TAOK3: variants seen among roughly 807,000 people sequenced by gnomAD.
TAOK3 encodes the protein serine/threonine-protein kinase TAO3.
TAOK3 carries 40 observed loss-of-function variants against 120.4 expected under a neutral mutation model. The ratio of observed to expected loss-of-function variants is 0.33; its 90% CI spans 0.26 to 0.43. The LOEUF (loss-of-function observed/expected upper bound fraction) is 0.43, where lower values mean the gene tolerates loss of function less well. Among genes scored for constraint, TAOK3 ranks in the 20% least tolerant of loss-of-function variants. The probability of loss-of-function intolerance (pLI) is 1.00; values close to 1 mark genes in which losing one functional copy is unlikely to be tolerated. For missense variants in TAOK3, 821 were observed against 1,112.1 expected, an observed-to-expected ratio of 0.74 and a Z score of 3.72; for synonymous variants, 355 against 387.5, an observed-to-expected ratio of 0.92 and a Z score of 0.99.
intron 9 of TAOK3, among the ~76,000 whole-genome samples, chr12:118,232,757 T>A (rs1214533372): frequency 6.6e-6 from 1 of 152,042 alleles, no homozygotes; most frequent in Non-Finnish European, 1.5e-5. Context: ...ATACAAAAAT[T>A]AGCCAGCCTT....
chr12:118,178,439 T>C (rs909035183), intron 15 of TAOK3, among the ~76,000 whole-genome samples: 6 of 152,154 alleles, frequency 3.9e-5, no homozygotes, highest in African/African-American at 1.2e-4. Flanking sequence ...TCAAGTGTAA[T>C]TGGAACGCTA....
chr12:118,300,752 C>T (rs557009538), intron 1 of TAOK3, among the ~76,000 whole-genome samples: 95 of 151,834 alleles, frequency 6.3e-4, no homozygotes, highest in African/African-American at 2.2e-3. Flanking sequence ...TAGGACCTTC[C>T]TTTTTGATTT....
chr12:118,242,601 T>C (rs2040299957), intron 5 of TAOK3, among the ~76,000 whole-genome samples: 1 of 152,302 alleles, frequency 6.6e-6, no homozygotes, highest in South Asian at 2.1e-4. Flanking sequence ...GGCTCATGCC[T>C]GTAATCCCAG....
chr12:118,261,445 T>A (rs1387240261), intron 2 of TAOK3: 1 of 152,196 alleles, frequency 6.6e-6, no homozygotes, highest in African/African-American at 2.4e-5. Flanking sequence ...AAAAAAAGCA[T>A]GTTAAATACA....
chr12:118,361,043 T>A (rs2045581419), intron 1 of TAOK3, among the ~76,000 whole-genome samples: 1 of 152,256 alleles, frequency 6.6e-6, no homozygotes. Context: ...ATTACTTGTA[T>A]ATGCAGAAAA....
intron 11 of TAOK3, among the ~76,000 whole-genome samples, chr12:118,203,572 C>A (rs979571660): frequency 3.3e-5 from 5 of 151,764 alleles, no homozygotes; most frequent in African/African-American, 1.2e-4. Context: ...GGCATGGTGA[C>A]GTGCATCTGT....
At chr12:118,255,058 G>A (rs1433110823) in intron 3 of TAOK3, among the ~76,000 whole-genome samples, 2 of 152,114 alleles carry the variant, frequency 1.3e-5, no homozygotes, top group African/African-American at 4.8e-5. Context: ...CACTGTGCCC[G>A]GCTGAAGCTC....
chr12:118,203,443 C>T (rs905714894), intron 11 of TAOK3, among the ~76,000 whole-genome samples: 86 of 152,244 alleles, frequency 5.6e-4, no homozygotes, highest in Admixed American at 5.6e-3. Context: ...CGGTGGCTCA[C>T]GCCTATAATC....
intron 1 of TAOK3, among the ~76,000 whole-genome samples, chr12:118,297,582 T>C (rs2042730031): frequency 6.6e-6 from 1 of 152,234 alleles, no homozygotes; most frequent in Non-Finnish European, 1.5e-5. Context: ...CACCTGAAAT[T>C]ATCTGAAATT....
rs148839904 is a variant in TAOK3 at position 118,204,220 on chromosome 12, T to C, written c.820-2757A>G. ...AGGCAGAGGTTGCAGTGAGCCGAGA[T>C]TGCACCACAGCACTCTAGCCTGGGT... On this transcript the variant is annotated intron_variant, in intron 11 of 20. Coordinates refer to ENST00000392533, the MANE Select transcript of TAOK3 (RefSeq NM_016281.4). Among the ~76,000 whole-genome samples the C allele has an allele frequency of 9.7e-3, 1,460 of 150,618 alleles. 14 individuals are homozygous for C. Among genetic ancestry groups the C allele is most frequent in the African/African-American group, 0.029 (1,205 of 40,916 alleles).
At chr12:118,333,492 G>A (rs1457234364) in intron 1 of TAOK3, among the ~76,000 whole-genome samples, 1 of 152,174 alleles carries the variant, frequency 6.6e-6, no homozygotes, top group Non-Finnish European at 1.5e-5. Flanking sequence ...GCAATGCCAA[G>A]AGGGAAATGC....
intron 1 of TAOK3, among the ~76,000 whole-genome samples, chr12:118,279,465 G>A (rs1279017175): frequency 1.3e-5 from 2 of 150,738 alleles, no homozygotes; most frequent in Admixed American, 6.6e-5. Flanking sequence ...TGCTTTTGGT[G>A]TCTTCATCAT....
Position 118,161,727 on chromosome 12 carries a change from G to A in TAOK3, c.2139+61C>T, listed in dbSNP as rs553124339. Reference sequence around the variant, plus strand: ...TCTGAAAAGTTGCTCAGGTGACTCTGACACTTCAGGTAGAGAAACCACTGA... The same window carrying A: ...TCTGAAAAGTTGCTCAGGTGACTCTAACACTTCAGGTAGAGAAACCACTGA... On this transcript the variant is annotated intron_variant, in intron 18 of 20. Transcript: ENST00000392533. This position sits in a 1 kb window ranked among gnomAD's most constrained non-coding sequence, Gnocchi z 4.5. 6.3e-7 allele frequency: 1 copy of A among 1,590,294 alleles called. No homozygotes were observed. The highest frequency in any genetic ancestry group is 1.7e-5 in the Admixed American group (1 of 58,706).
chr12:118,286,323 C>A (rs938778857), intron 1 of TAOK3, among the ~76,000 whole-genome samples: 1 of 152,098 alleles, frequency 6.6e-6, no homozygotes, highest in African/African-American at 2.4e-5. Flanking sequence ...ACAATCTATA[C>A]ATCTGACAAA....
At chr12:118,188,628 C>T (rs1179390363) in intron 14 of TAOK3, among the ~76,000 whole-genome samples, 2 of 152,078 alleles carry the variant, frequency 1.3e-5, no homozygotes, top group African/African-American at 2.4e-5. Flanking sequence ...AGGTTATAAT[C>T]CATTATAATT....
intron 1 of TAOK3, among the ~76,000 whole-genome samples, chr12:118,332,032 C>T (rs1008944599): frequency 6.6e-6 from 1 of 152,136 alleles, no homozygotes; most frequent in Non-Finnish European, 1.5e-5. Flanking sequence ...GCCATATTGG[C>T]GAGGTTGGTC....
chr12:118,212,929 T>G lies in TAOK3; in HGVS notation c.804A>C (p.Ser268=), dbSNP rs1277483889. ...LQKIPQERPT[S]AELLRHDFVR... ...GAAAAATTACCCTTAATAGTTCTGC[T>G]GATGTTGGCCTTTCCTGAGGTATTT... The change falls in exon 11 of 21, where the codon TCA becomes TCC. Residue 268 remains serine (S), a synonymous_variant. Coordinates refer to ENST00000392533, the MANE Select transcript of TAOK3 (RefSeq NM_016281.4). The G allele has an allele frequency of 6.2e-7, 1 of 1,612,430 alleles. No individual in the cohort carries two copies. The highest frequency in any genetic ancestry group is 8.5e-7 in the Non-Finnish European group (1 of 1,179,088).
At chr12:118,194,409 A>G (rs1466752206) in intron 13 of TAOK3, among the ~76,000 whole-genome samples, 1 of 152,230 alleles carries the variant, frequency 6.6e-6, no homozygotes, top group Admixed American at 6.5e-5. Flanking sequence ...CAAAAGGCTG[A>G]GGAGAAAGAC....
At chr12:118,282,542 CAA>C (rs1333151489) in intron 1 of TAOK3, among the ~76,000 whole-genome samples, 1 of 152,048 alleles carries the variant, frequency 6.6e-6, no homozygotes, top group Non-Finnish European at 1.5e-5. Context: ...TTTTTAGTTG[CAA>C]ATAATAGAAA....
Sources: gnomAD v4.1 joint callset for allele counts (sites outside exome capture counted in the v4.1 genomes callset) on GRCh38, gnomAD v4.1.1 for gene constraint, Gnocchi (gnomAD v3.1) non-coding constraint, MANE v1.5 for transcripts, NCBI Gene and HGNC (gene_info 2026-07-23, HGNC 2026-07-21) for gene names.